DEPTOR: variants seen among roughly 807,000 people sequenced by gnomAD.
DEPTOR encodes the protein DEP domain containing MTOR interacting protein.
Under a neutral mutation model 41.6 loss-of-function variants are expected in DEPTOR, and 41 were observed. The ratio of observed to expected loss-of-function variants is 0.98; its 90% confidence interval spans 0.77 to 1.28. DEPTOR has a LOEUF of 1.28. Ranked by LOEUF, DEPTOR falls within the 50% of genes most tolerant of loss-of-function variation. The pLI, the probability that DEPTOR is intolerant of heterozygous loss-of-function variation, is 0.00. For missense variants in DEPTOR, 514 were observed against 527.9 expected, an observed-to-expected ratio of 0.97 and a Z score of 0.26; for synonymous variants, 195 against 192.3, an observed-to-expected ratio of 1.01 and a Z score of -0.12.
chr8:119,931,173 T>G (rs1476435323), intron 3 of DEPTOR, among the ~76,000 whole-genome samples: 1 of 152,012 alleles, frequency 6.6e-6, no homozygotes, highest in East Asian at 1.9e-4. Flanking sequence ...ATCACGTTAC[T>G]GCACTCCAAC....
At chr8:119,916,379 C>A (rs560681078) in intron 1 of DEPTOR, among the ~76,000 whole-genome samples, 20 of 150,878 alleles carry the variant, frequency 1.3e-4, no homozygotes, top group African/African-American at 4.9e-4. Flanking sequence ...CCTGGGCCTC[C>A]CAAAATGCTG....
intron 8 of DEPTOR, among the ~76,000 whole-genome samples, chr8:120,049,122 G>A (rs1228331713): frequency 6.6e-6 from 1 of 152,132 alleles, no homozygotes; most frequent in Admixed American, 6.5e-5. Context: ...CTTTGGTTGA[G>A]TCCTCAACAC....
chr8:119,979,381 A>G lies in DEPTOR; in HGVS notation c.604+13971A>G, dbSNP rs887418372. On this transcript the variant is annotated intron_variant, in intron 4 of 8. Coordinates refer to ENST00000286234, the MANE Select transcript of DEPTOR (RefSeq NM_022783.4). ...AACCTCCACCTCCCAAGCACAAGCA[A>G]TTTTCCCTCCTCAGCCTCCCAAGTA... Among the ~76,000 whole-genome samples, 19 of 151,762 alleles carry G rather than the reference A, an allele frequency of 1.3e-4. No homozygotes were observed. The East Asian group carries it at 1.6e-3, about 12-fold the overall frequency.
intron 1 of DEPTOR, among the ~76,000 whole-genome samples, chr8:119,913,913 C>T (rs7388508): frequency 0.5 from 75,767 of 152,056 alleles, 20,612 homozygotes; most frequent in East Asian, 0.92. Context: ...CCTTTCCCAT[C>T]CTTGTCCCAT....
In DEPTOR at chr8:120,049,660, C is replaced by G; in HGVS notation, c.1186C>G (p.Pro396Ala). Residue 396 changes from proline (P) to alanine (A), a missense_variant, in exon 9 of 9, where the codon CCA (proline) becomes GCA (alanine). Transcript: ENST00000286234. ...RTVSNLILTG[P>A]RTIVMEVMEE... Reference sequence around the variant, plus strand: ...CGTGAGCAATCTGATTCTGACGGGCCCACGGACGATTGTCATGGAAGTCAT... The same window carrying G: ...CGTGAGCAATCTGATTCTGACGGGCGCACGGACGATTGTCATGGAAGTCAT... 6.2e-7 allele frequency: 1 copy of G among 1,613,932 alleles called. No individual in the cohort carries two copies. The highest frequency in any genetic ancestry group is 8.5e-7 in the Non-Finnish European group (1 of 1,179,918).
At chr8:119,901,163 A>G (rs1396528797) in intron 1 of DEPTOR, among the ~76,000 whole-genome samples, 1 of 152,180 alleles carries the variant, frequency 6.6e-6, no homozygotes, top group East Asian at 1.9e-4. Context: ...TTTCAGATCT[A>G]TGCATGGACG....
At chr8:119,926,933 A>G (rs1008378019) in intron 1 of DEPTOR, among the ~76,000 whole-genome samples, 1 of 152,144 alleles carries the variant, frequency 6.6e-6, no homozygotes, top group Non-Finnish European at 1.5e-5. Context: ...TTGAGTGACC[A>G]AAATAGATGT....
At chr8:119,909,690 T>C (rs1263215175) in intron 1 of DEPTOR, among the ~76,000 whole-genome samples, 1 of 152,264 alleles carries the variant, frequency 6.6e-6, no homozygotes, top group Non-Finnish European at 1.5e-5. Flanking sequence ...AAGTTCTAGA[T>C]TCTGTGTGTG....
rs182225384 is a variant in DEPTOR, at chr8:120,005,602, C to T, written c.926-1203C>T. ...GGATGCCACCTCACCAGGTTAGGCC[C>T]CTTGGCTGGGGCCTTTTCTGTTTCT... On this transcript the variant is annotated intron_variant, in intron 6 of 8. Transcript: ENST00000286234. Among the ~76,000 whole-genome samples the T allele has an allele frequency of 3.3e-5, 5 of 152,318 alleles. No homozygotes were observed. In the East Asian group the frequency reaches 5.8e-4, roughly 18 times the overall value.
intron 8 of DEPTOR, among the ~76,000 whole-genome samples, chr8:120,032,917 C>G (rs1267018170): frequency 6.6e-6 from 1 of 152,034 alleles, no homozygotes. Context: ...CATGTTCTTC[C>G]TCATAACTGG....
intron 3 of DEPTOR, among the ~76,000 whole-genome samples, chr8:119,952,875 G>A (rs1159591450): frequency 1.3e-5 from 2 of 152,186 alleles, no homozygotes; most frequent in African/African-American, 4.8e-5. Flanking sequence ...AAGGAGGGTA[G>A]AAGATCCTCG....
intron 3 of DEPTOR, among the ~76,000 whole-genome samples, chr8:119,952,114 C>T (rs1032607089): frequency 4.0e-5 from 6 of 150,920 alleles, no homozygotes; most frequent in Non-Finnish European, 7.4e-5. Context: ...CCAACCTGGG[C>T]GACAGAGTGA....
At chr8:120,044,349 T>C (rs899287528) in intron 8 of DEPTOR, among the ~76,000 whole-genome samples, 3 of 152,078 alleles carry the variant, frequency 2.0e-5, no homozygotes, top group Non-Finnish European at 2.9e-5. Context: ...GGTCTCGAAC[T>C]CCTGACCTCA....
intron 8 of DEPTOR, among the ~76,000 whole-genome samples, chr8:120,019,964 A>G (rs774068585): frequency 6.6e-6 from 1 of 152,030 alleles, no homozygotes; most frequent in African/African-American, 2.4e-5. Flanking sequence ...GACTGATTTC[A>G]TTGGATTTCA....
chr8:119,922,763 T>C (rs1827913226), intron 1 of DEPTOR, among the ~76,000 whole-genome samples: 1 of 152,224 alleles, frequency 6.6e-6, no homozygotes, highest in Admixed American at 6.5e-5. Flanking sequence ...GTAGAGTTAC[T>C]GGCAGCACCA....
intron 1 of DEPTOR, among the ~76,000 whole-genome samples, chr8:119,907,047 G>A (rs1436711092): frequency 1.3e-5 from 2 of 152,096 alleles, no homozygotes; most frequent in African/African-American, 4.8e-5. Context: ...CTCCCACCGT[G>A]GCTCTTACTG....
At chr8:119,923,893 C>CTTTTTTTTTTTTTTTTTTTTTTTTT (rs769960283) in intron 1 of DEPTOR, among the ~76,000 whole-genome samples, 16 of 104,966 alleles carry the variant, frequency 1.5e-4, no homozygotes, top group African/African-American at 3.0e-4. Flanking sequence ...TTTTTTCTTT[C>CTTTTTTTTTTTTTTTTTTTTTTTTT]TTTTTTTTTT....
chr8:120,041,312 C>A (rs1396006699), intron 8 of DEPTOR, among the ~76,000 whole-genome samples: 1 of 152,188 alleles, frequency 6.6e-6, no homozygotes, highest in African/African-American at 2.4e-5. Context: ...TGCAATTGAA[C>A]AATCCCATGG....
At chr8:119,931,965 AT>A (rs1828049875) in intron 3 of DEPTOR, among the ~76,000 whole-genome samples, 2 of 60,074 alleles carry the variant, frequency 3.3e-5, no homozygotes, top group South Asian at 9.9e-4. Flanking sequence ...AAAGATTATT[AT>A]TATTATTATT....
Sources: allele counts gnomAD v4.1 joint callset (sites outside exome capture counted in the v4.1 genomes callset), GRCh38; gene constraint gnomAD v4.1.1; transcripts MANE v1.5; gene names NCBI Gene and HGNC (gene_info 2026-07-23, HGNC 2026-07-21).